Variants in RPS6KC1 observed in about 807,000 individuals in gnomAD.
The protein encoded by RPS6KC1 is ribosomal protein S6 kinase C1.
Under a neutral mutation model 103.8 loss-of-function variants are expected in RPS6KC1, and 54 were observed. That is an observed-to-expected ratio of 0.52 (90% CI 0.42 to 0.65). RPS6KC1 has a LOEUF of 0.65. RPS6KC1 is among the 30% of genes least tolerant of loss of function. The probability of loss-of-function intolerance (pLI) is 0.00; values close to 1 mark genes in which losing one functional copy is unlikely to be tolerated. For missense variants in RPS6KC1, 1,151 were observed against 1,253.8 expected (o/e 0.92, Z 1.24); for synonymous variants, 439 against 438.7 (o/e 1.00, Z -0.01).
chr1:213,071,566 A>G lies in RPS6KC1; in HGVS notation c.141+525A>G, dbSNP rs58435134. Reference sequence around the variant, plus strand: ...AGTTATATAAATAAGAATTTAATGAATTATGGTGCTGTTTACTAAGTGATC... The same window carrying G: ...AGTTATATAAATAAGAATTTAATGAGTTATGGTGCTGTTTACTAAGTGATC... On this transcript the variant is annotated intron_variant, in intron 2 of 14. Transcript: ENST00000366960. Among the ~76,000 whole-genome samples the G allele has an allele frequency of 3.1e-3, 475 of 152,296 alleles. 4 individuals carry two copies. Among genetic ancestry groups the G allele is most frequent in the African/African-American group, 0.011 (440 of 41,558 alleles).
At chr1:213,066,772 A>G (rs1231575430) in intron 1 of RPS6KC1, among the ~76,000 whole-genome samples, 2 of 152,228 alleles carry the variant, frequency 1.3e-5, no homozygotes, top group African/African-American at 4.8e-5. Context: ...TTAAGGAAGC[A>G]ATTGTGATGG....
the RPS6KC1 span, among the ~76,000 whole-genome samples, chr1:213,653,638 GT>G: frequency 6.6e-6 from 1 of 152,028 alleles, no homozygotes; most frequent in Non-Finnish European, 1.5e-5. Flanking sequence ...ATATTTGTTT[GT>G]GTAATTAATT....
the RPS6KC1 span, among the ~76,000 whole-genome samples, chr1:213,623,701 T>C: frequency 1.3e-5 from 2 of 152,214 alleles, no homozygotes; most frequent in Non-Finnish European, 2.9e-5. Flanking sequence ...AGTGAGTATA[T>C]GTTGAAAATT....
the RPS6KC1 span, among the ~76,000 whole-genome samples, chr1:213,539,861 T>G: frequency 6.7e-5 from 2 of 29,844 alleles, no homozygotes; most frequent in Admixed American, 6.7e-4. Context: ...GTCACACACA[T>G]TTTTTTGGTT....
At position 213,108,363 on chromosome 1, in the gene RPS6KC1, C is replaced by A. The variant is rs1572572592; in HGVS notation, c.378+3794C>A. On this transcript the variant is annotated intron_variant, in intron 4 of 14. Coordinates refer to ENST00000366960, the MANE Select transcript of RPS6KC1 (RefSeq NM_012424.6). ...TGAAAAGACTATCCTCATTGAATCA[C>A]CTTGGGACTCTTGCTGAAAGTAAAT... Among the ~76,000 whole-genome samples the A allele has an allele frequency of 2.0e-5, 3 of 152,192 alleles. No homozygotes were observed. In the East Asian group the frequency reaches 5.8e-4, roughly 29 times the overall value.
At chr1:213,286,616 G>C in the RPS6KC1 span, among the ~76,000 whole-genome samples, 1 of 152,166 alleles carries the variant, frequency 6.6e-6, no homozygotes, top group Non-Finnish European at 1.5e-5. Flanking sequence ...ATTTTTATGT[G>C]AACTATACCA....
rs527969724 is a variant in RPS6KC1 at position 213,172,605 on chromosome 1, C to T, written c.952-3795C>T. Among the ~76,000 whole-genome samples, 40 of 152,176 alleles carry T rather than the reference C, an allele frequency of 2.6e-4. No homozygotes were observed. The South Asian group carries it at 7.9e-3, about 30-fold the overall frequency. On this transcript the variant is annotated intron_variant, in intron 7 of 14. Transcript: ENST00000366960. ...TCCAGCCTTGGTGACAGAGCGAGAA[C>T]AACAATAGTAAGTAGGTTTTAACTA...
chr1:213,385,911 C>G, the RPS6KC1 span, among the ~76,000 whole-genome samples: 2 of 152,218 alleles, frequency 1.3e-5, no homozygotes, highest in South Asian at 4.1e-4. Flanking sequence ...TTTGAATCCA[C>G]TCAGTTATTT....
the RPS6KC1 span, among the ~76,000 whole-genome samples, chr1:213,545,091 C>T: frequency 5.3e-5 from 8 of 152,110 alleles, no homozygotes; most frequent in South Asian, 2.1e-4. Context: ...TTCAGCTGGG[C>T]GCTCTGGCTA....
the RPS6KC1 span, among the ~76,000 whole-genome samples, chr1:213,690,478 G>T: frequency 6.6e-6 from 1 of 152,146 alleles, no homozygotes; most frequent in South Asian, 2.1e-4. Flanking sequence ...TTGTCTGGTG[G>T]ACTCTCCCTG....
chr1:213,363,763 T>C, the RPS6KC1 span, among the ~76,000 whole-genome samples: 1 of 13,198 alleles, frequency 7.6e-5, no homozygotes, highest in Non-Finnish European at 2.0e-4. Context: ...TTCTCTCTTC[T>C]TTCTTTCTTT....
At chr1:213,239,413 C>T (rs79877942) in intron 10 of RPS6KC1, among the ~76,000 whole-genome samples, 2 of 151,996 alleles carry the variant, frequency 1.3e-5, no homozygotes, top group African/African-American at 2.4e-5. Context: ...TATGAGAATC[C>T]TAGGATTAAT....
chr1:213,306,014 A>C, the RPS6KC1 span, among the ~76,000 whole-genome samples: 2 of 152,254 alleles, frequency 1.3e-5, no homozygotes, highest in East Asian at 1.9e-4. Flanking sequence ...ACAACACCCA[A>C]ATTTTAGTGC....
At chr1:213,391,362 C>A in the RPS6KC1 span, among the ~76,000 whole-genome samples, 1 of 152,052 alleles carries the variant, frequency 6.6e-6, no homozygotes, top group African/African-American at 2.4e-5. Flanking sequence ...GTGCTGAGAG[C>A]AAGAGACCAG....
At chr1:213,349,846 G>T in the RPS6KC1 span, among the ~76,000 whole-genome samples, 3 of 152,206 alleles carry the variant, frequency 2.0e-5, no homozygotes, top group East Asian at 5.8e-4. Flanking sequence ...CCATAAGCAT[G>T]CACTAAAGAG....
At chr1:213,576,291 G>A in the RPS6KC1 span, among the ~76,000 whole-genome samples, 9 of 151,238 alleles carry the variant, frequency 6.0e-5, no homozygotes, top group African/African-American at 2.2e-4. Flanking sequence ...TGCTTACATT[G>A]TATGAGGTAA....
At chr1:213,072,932 G>A (rs1027389810) in intron 2 of RPS6KC1, 9 of 980,914 alleles carry the variant, frequency 9.2e-6, no homozygotes, top group East Asian at 1.1e-4. Context: ...TCCTTTTTTC[G>A]GGAAAACTCT....
rs915475056 is a variant in RPS6KC1, at chr1:213,051,418, G to C, written c.14G>C (p.Arg5Pro). Residue 5 changes from arginine to proline, a missense_variant, in exon 1 of 15, where the codon CGG becomes CCG. Transcript: ENST00000366960. The part of the protein sequence containing the change: MTSY[R>P]ERSADLARFY... The stretch of plus-strand genomic sequence containing the variant: ...GGCGGCGGGAGGATGACCTCTTACC[G>C]GGAGCGGAGTGCCGACCTGGCCCGT... The C allele has an allele frequency of 3.7e-6, 6 of 1,612,924 alleles. No homozygotes were observed. The highest frequency in any genetic ancestry group is 1.7e-4 in the Middle Eastern group (1 of 5,970).
At chr1:213,605,144 C>A in the RPS6KC1 span, among the ~76,000 whole-genome samples, 1 of 152,054 alleles carries the variant, frequency 6.6e-6, no homozygotes, top group African/African-American at 2.4e-5. Context: ...AATTGCACTT[C>A]GAGGCCAAAA....
Sources: allele counts gnomAD v4.1 joint callset (sites outside exome capture counted in the v4.1 genomes callset), GRCh38; gene constraint gnomAD v4.1.1; transcripts MANE v1.5; gene names NCBI Gene and HGNC (gene_info 2026-07-23, HGNC 2026-07-21).